The following CRPPA variants were observed in gnomAD, a reference collection of about 807,000 sequenced individuals.
The protein encoded by CRPPA is CDP-L-ribitol pyrophosphorylase A.
Under a neutral mutation model 52.0 loss-of-function variants are expected in CRPPA, and 43 were observed. That is an observed-to-expected ratio of 0.83 (90% CI 0.65 to 1.07). The LOEUF is 1.07. CRPPA is among the 50% of genes least tolerant of loss of function. CRPPA has a pLI of 0.00. For missense variants in CRPPA, 629 were observed against 551.7 expected (o/e 1.14, Z -1.40); for synonymous variants, 250 against 203.5 (o/e 1.23, Z -1.94).
intron 8 of CRPPA, among the ~76,000 whole-genome samples, chr7:16,218,819 T>C (rs552393731): frequency 1.4e-5 from 2 of 144,962 alleles, no homozygotes; most frequent in African/African-American, 5.2e-5. Flanking sequence ...ACAAAGAGAC[T>C]TAGACTCCCA....
intron 9 of CRPPA, among the ~76,000 whole-genome samples, chr7:16,134,771 A>G (rs1252887557): frequency 6.6e-6 from 1 of 152,222 alleles, no homozygotes; most frequent in African/African-American, 2.4e-5. Context: ...TTTGTAAATT[A>G]TAATTGAATC....
chr7:16,276,193 C>T (rs879911481), intron 6 of CRPPA, among the ~76,000 whole-genome samples: 1 of 151,760 alleles, frequency 6.6e-6, no homozygotes, highest in African/African-American at 2.4e-5. Context: ...CTGTGGATGG[C>T]CAAAGAACAT....
chr7:16,256,848 A>C (rs1783655534), intron 8 of CRPPA, among the ~76,000 whole-genome samples: 1 of 152,130 alleles, frequency 6.6e-6, no homozygotes, highest in South Asian at 2.1e-4. Context: ...ACCAGCATGC[A>C]CATGTATACC....
chr7:16,330,370 G>A (rs543510817), intron 3 of CRPPA, among the ~76,000 whole-genome samples: 7 of 152,192 alleles, frequency 4.6e-5, no homozygotes, highest in East Asian at 1.9e-4. Flanking sequence ...TCGCAGCTTC[G>A]TCCTAACAAG....
At chr7:16,347,789 A>G (rs10243261) in intron 3 of CRPPA, among the ~76,000 whole-genome samples, 2 of 152,094 alleles carry the variant, frequency 1.3e-5, no homozygotes, top group African/African-American at 4.8e-5. Context: ...AATTCCCAGC[A>G]CCCAGCTTCT....
chr7:16,145,897 C>T (rs1270442410), intron 9 of CRPPA, among the ~76,000 whole-genome samples: 1 of 151,942 alleles, frequency 6.6e-6, no homozygotes, highest in Non-Finnish European at 1.5e-5. Flanking sequence ...TGGTAATTAG[C>T]TTTTTCAAAG....
At position 16,213,538 on chromosome 7, in the gene CRPPA, C is replaced by A. The variant is rs113151435; in HGVS notation, c.1251+2528G>T. Among the ~76,000 whole-genome samples the A allele has an allele frequency of 9.6e-3, 1,458 of 152,076 alleles. 28 individuals carry two copies. Among genetic ancestry groups the A allele is most frequent in the African/African-American group, 0.034 (1,402 of 41,460 alleles). On this transcript the variant is annotated intron_variant, in intron 9 of 9. Transcript: ENST00000407010. ...CTGAGGTGGGTGGATCACCTGAGAT[C>A]AGAATTTCAAGACCAGCCGGGTCAA...
At chr7:16,320,857 A>G (rs77675366) in intron 3 of CRPPA, among the ~76,000 whole-genome samples, 2,327 of 152,266 alleles carry the variant, frequency 0.015, 26 homozygotes, top group Middle Eastern at 0.051. Context: ...CATATCAGTC[A>G]TTTTATGAGT....
In CRPPA at chr7:16,219,562, G is replaced by T. The variant is rs78639985; in HGVS notation, c.1120-3365C>A. Among the ~76,000 whole-genome samples the T allele has an allele frequency of 1.6e-4, 16 of 100,262 alleles. 2 individuals are homozygous for T. The East Asian group carries it at 3.3e-3, about 21-fold the overall frequency. 65.8% of individuals were successfully genotyped at this position (100,262 alleles called of 152,430 possible). On this transcript the variant is annotated intron_variant, in intron 8 of 9. Transcript: ENST00000407010. ...GACCGCTAGCAAGACTAATAAAGAA[G>T]AAAAGAGAGAAGAATCAAAGAGATG...
intron 9 of CRPPA, among the ~76,000 whole-genome samples, chr7:16,143,650 C>T (rs1782916819): frequency 6.6e-6 from 1 of 152,178 alleles, no homozygotes; most frequent in Non-Finnish European, 1.5e-5. Context: ...GTATAAAGCA[C>T]TAGTGTACCA....
chr7:16,398,238 C>G (rs1306312169), intron 2 of CRPPA, among the ~76,000 whole-genome samples: 1 of 151,934 alleles, frequency 6.6e-6, no homozygotes, highest in African/African-American at 2.4e-5. Flanking sequence ...GTGACTGACA[C>G]GTGACCAACA....
intron 3 of CRPPA, among the ~76,000 whole-genome samples, chr7:16,313,500 G>T (rs963464409): frequency 6.6e-6 from 1 of 151,832 alleles, no homozygotes; most frequent in Non-Finnish European, 1.5e-5. Context: ...TTTTGGTCTG[G>T]TAGATTTTTC....
intron 2 of CRPPA, among the ~76,000 whole-genome samples, chr7:16,396,245 T>G (rs1787565463): frequency 6.6e-6 from 1 of 152,222 alleles, no homozygotes; most frequent in Non-Finnish European, 1.5e-5. Context: ...GTATATTGAT[T>G]ACAATGGACA....
At chr7:16,308,018 G>A (rs1437663046) in intron 4 of CRPPA, among the ~76,000 whole-genome samples, 4 of 152,172 alleles carry the variant, frequency 2.6e-5, no homozygotes, top group Non-Finnish European at 4.4e-5. Flanking sequence ...AGACCTGGTG[G>A]GAGGTGACTG....
intron 1 of CRPPA, among the ~76,000 whole-genome samples, chr7:16,406,725 T>C (rs1043335866): frequency 2.6e-5 from 4 of 152,288 alleles, no homozygotes; most frequent in Non-Finnish European, 4.4e-5. Context: ...AATGAGACAA[T>C]TGAAAGCACT....
At chr7:16,151,725 C>T (rs2128378986) in intron 9 of CRPPA, among the ~76,000 whole-genome samples, 1 of 152,092 alleles carries the variant, frequency 6.6e-6, no homozygotes, top group Non-Finnish European at 1.5e-5. Context: ...TACATATTGA[C>T]TGATCTTCTA....
At chr7:16,296,593 T>TA (rs1022162920) in intron 5 of CRPPA, among the ~76,000 whole-genome samples, 11 of 149,420 alleles carry the variant, frequency 7.4e-5, no homozygotes, top group South Asian at 6.4e-4. Flanking sequence ...GAAGGACACT[T>TA]AAAAAAAAAC....
chr7:16,240,608 C>T (rs923109448), intron 8 of CRPPA, among the ~76,000 whole-genome samples: 40 of 151,538 alleles, frequency 2.6e-4, no homozygotes, highest in South Asian at 2.1e-4. Context: ...CACATTCACA[C>T]ACACACTATT....
intron 9 of CRPPA, among the ~76,000 whole-genome samples, chr7:16,141,839 A>T (rs1158162172): frequency 6.6e-6 from 1 of 152,150 alleles, no homozygotes; most frequent in Admixed American, 6.5e-5. Context: ...GCTGGGTGTC[A>T]AGCGCTCCTG....
Sources: allele counts gnomAD v4.1 joint callset (sites outside exome capture counted in the v4.1 genomes callset), GRCh38; gene constraint gnomAD v4.1.1; transcripts MANE v1.5; gene names NCBI Gene and HGNC (gene_info 2026-07-23, HGNC 2026-07-21).